Variants in MTBP observed in about 807,000 individuals in gnomAD.
MTBP encodes mdm2-binding protein.
In MTBP, 101 loss-of-function variants were observed where a neutral mutation model predicts 117.0. The ratio of observed to expected loss-of-function variants is 0.86; its 90% CI spans 0.73 to 1.02. The LOEUF (loss-of-function observed/expected upper bound fraction) is 1.02, where lower values mean the gene tolerates loss of function less well. Ranked by LOEUF, MTBP falls within the 50% of genes least tolerant of loss-of-function variation. MTBP has a pLI of 0.00. For missense variants in MTBP, 970 were observed against 1,030.9 expected, an observed-to-expected ratio of 0.94 and a Z score of 0.81; for synonymous variants, 350 against 351.5, an observed-to-expected ratio of 1.00 and a Z score of 0.05.
intron 11 of MTBP, among the ~76,000 whole-genome samples, chr8:120,485,849 G>C (rs947429603): frequency 6.6e-6 from 1 of 151,998 alleles, no homozygotes; most frequent in Non-Finnish European, 1.5e-5. Flanking sequence ...GTTTGACTTC[G>C]GTGTCACTCT....
intron 10 of MTBP, among the ~76,000 whole-genome samples, chr8:120,465,892 G>A (rs1813678142): frequency 6.6e-6 from 1 of 151,910 alleles, no homozygotes; most frequent in Non-Finnish European, 1.5e-5. Context: ...TGTAACATAA[G>A]CATTAGTCCA....
chr8:120,479,800 TAAAAAC>T (rs947048405), intron 11 of MTBP, among the ~76,000 whole-genome samples: 7 of 151,462 alleles, frequency 4.6e-5, no homozygotes, highest in Non-Finnish European at 1.0e-4. Flanking sequence ...TGAATGAAAA[TAAAAAC>T]AAAACATAAA....
chr8:120,488,475 T>C, intron 12 of MTBP, 143 bp downstream of exon 12: 2 of 625,160 alleles, frequency 3.2e-6, no homozygotes, highest in South Asian at 5.1e-5. Context: ...ATTTACCTTT[T>C]ATTTAAAACA....
intron 8 of MTBP, among the ~76,000 whole-genome samples, chr8:120,459,858 A>G (rs1724806293): frequency 6.6e-6 from 1 of 152,204 alleles, no homozygotes; most frequent in African/African-American, 2.4e-5. Context: ...TGCTTAACTT[A>G]TAGTGTAAGA....
intron 17 of MTBP, among the ~76,000 whole-genome samples, chr8:120,510,884 G>T (rs974205108): frequency 4.0e-5 from 6 of 151,630 alleles, no homozygotes; most frequent in African/African-American, 1.2e-4. Flanking sequence ...CACTCCTGCT[G>T]GGTGACAGAA....
intron 9 of MTBP, among the ~76,000 whole-genome samples, chr8:120,462,905 A>G (rs1488352970): frequency 6.6e-6 from 1 of 152,180 alleles, no homozygotes; most frequent in Non-Finnish European, 1.5e-5. Context: ...TGCATTAAAA[A>G]GGTTTGCAAA....
At chr8:120,469,617 T>TTGTTCAA (rs1292084491) in intron 10 of MTBP, among the ~76,000 whole-genome samples, 1 of 152,254 alleles carries the variant, frequency 6.6e-6, no homozygotes, top group Non-Finnish European at 1.5e-5. Flanking sequence ...TCCACTGCTT[T>TTGTTCAA]ATGACCCATT....
At chr8:120,515,120 A>C (rs1166970483) in intron 17 of MTBP, among the ~76,000 whole-genome samples, 2 of 152,090 alleles carry the variant, frequency 1.3e-5, no homozygotes, top group Non-Finnish European at 1.5e-5. Flanking sequence ...AGAATTTTGC[A>C]GGTAAAAATG....
chr8:120,462,121 A>G (rs1440845494), intron 9 of MTBP, among the ~76,000 whole-genome samples: 3 of 152,162 alleles, frequency 2.0e-5, no homozygotes, highest in African/African-American at 7.2e-5. Flanking sequence ...CAGGTCCTAA[A>G]AGACCTTACG....
chr8:120,448,396 T>C (rs1419451010), intron 2 of MTBP, among the ~76,000 whole-genome samples: 1 of 152,240 alleles, frequency 6.6e-6, no homozygotes, highest in Non-Finnish European at 1.5e-5. Flanking sequence ...CTTTCAGTGT[T>C]AGCACTTTTT....
intron 14 of MTBP, among the ~76,000 whole-genome samples, chr8:120,501,231 G>A (rs1299190181): frequency 3.4e-5 from 5 of 148,842 alleles, no homozygotes; most frequent in Non-Finnish European, 4.5e-5. Flanking sequence ...GCGTGGTGGC[G>A]GGCACCTGTA....
intron 11 of MTBP, among the ~76,000 whole-genome samples, chr8:120,475,097 A>G (rs1301487903): frequency 2.6e-5 from 4 of 151,186 alleles, no homozygotes; most frequent in Non-Finnish European, 4.5e-5. Flanking sequence ...ACTTTATGGT[A>G]GAGGTCACAG....
chr8:120,498,846 G>T (rs976835172), intron 14 of MTBP, among the ~76,000 whole-genome samples: 4 of 152,140 alleles, frequency 2.6e-5, no homozygotes, highest in Admixed American at 2.0e-4. Context: ...GAGAGAGATT[G>T]GCTTACCAGA....
intron 20 of MTBP, among the ~76,000 whole-genome samples, chr8:120,519,505 A>G (rs1476955059): frequency 1.3e-5 from 2 of 152,152 alleles, no homozygotes; most frequent in African/African-American, 2.4e-5. Flanking sequence ...ACAATGTTAG[A>G]TTATGTCCAG....
At chr8:120,509,693 A>G (rs1814760959) in intron 16 of MTBP, among the ~76,000 whole-genome samples, 1 of 152,214 alleles carries the variant, frequency 6.6e-6, no homozygotes, top group Non-Finnish European at 1.5e-5. Context: ...ATTTCTCAGA[A>G]TAGTTTTGTG....
At position 120,445,494 on chromosome 8, in the gene MTBP, G is replaced by A; in HGVS notation, c.24G>A (p.Val8=). 1.9e-6 allele frequency: 3 copies of A among 1,613,568 alleles called. No homozygotes were observed. Among genetic ancestry groups the A allele is most frequent in the Non-Finnish European group, 8.5e-7 (1 of 1,179,776 alleles). MDRYLLL[V]IWGEGKFPSA... The stretch of plus-strand genomic sequence containing the variant: ...AGATGGATCGGTACCTGCTGCTGGT[G>A]ATCTGGGGGGAAGGAAAATTCCCGT... Residue 8 remains valine (V), a synonymous_variant, in exon 1 of 22, where the codon GTG becomes GTA. Coordinates refer to ENST00000305949, the MANE Select transcript of MTBP (RefSeq NM_022045.5).
intron 11 of MTBP, among the ~76,000 whole-genome samples, chr8:120,486,098 G>A (rs780068957): frequency 1.3e-5 from 2 of 151,928 alleles, no homozygotes; most frequent in Non-Finnish European, 2.9e-5. Context: ...GCCATTCTTC[G>A]ATTTGAATTC....
At position 120,518,010 on chromosome 8, in the gene MTBP, T is replaced by G; in HGVS notation, c.2406T>G (p.Leu802=). Reference sequence around the variant, plus strand: ...TTCCTAGCTGTGAAACTCCAAAACTTGCTACAAAGACCAGTTCAGGTCAAA... The same window carrying G: ...TTCCTAGCTGTGAAACTCCAAAACTGGCTACAAAGACCAGTTCAGGTCAAA... The part of the protein sequence containing the change: ...VPIPSCETPK[L]ATKTSSGQKS... The change falls in exon 19 of 22, where the codon CTT becomes CTG. Residue 802 remains leucine, a synonymous_variant. Transcript: ENST00000305949. 6.2e-7 allele frequency: 1 copy of G among 1,612,826 alleles called. No individual in the cohort carries two copies. The highest frequency in any genetic ancestry group is 8.5e-7 in the Non-Finnish European group (1 of 1,179,148).
Position 120,518,772 on chromosome 8 carries a change from T to C in MTBP, c.2565T>C (p.Thr855=). The change falls in exon 20 of 22, where the codon ACT becomes ACC. Residue 855 remains threonine (T), a synonymous_variant. Transcript: ENST00000305949. The part of the protein sequence containing the change: ...HSITETHECF[T]ACSQRLFEIS... ...TTACCGAGACTCATGAATGTTTCAC[T>C]GCATGCAGCCAGCGTCTCTTTGAAA... The C allele has an allele frequency of 6.2e-7, 1 of 1,612,122 alleles. No individual in the cohort carries two copies. The highest frequency in any genetic ancestry group is 8.5e-7 in the Non-Finnish European group (1 of 1,178,700).
Sources: allele counts gnomAD v4.1 joint callset (sites outside exome capture counted in the v4.1 genomes callset), GRCh38; gene constraint gnomAD v4.1.1; transcripts MANE v1.5; gene names NCBI Gene and HGNC (gene_info 2026-07-23, HGNC 2026-07-21).